The following DPYD variants were observed in gnomAD, a reference collection of about 807,000 sequenced individuals.
DPYD encodes the protein dihydropyrimidine dehydrogenase [NADP(+)].
In DPYD, 109 loss-of-function variants were observed where a neutral mutation model predicts 116.2. The ratio of observed to expected loss-of-function variants is 0.94; its 90% CI spans 0.80 to 1.10. DPYD has a LOEUF of 1.10. Among genes scored for constraint, DPYD ranks in the 50% least tolerant of loss-of-function variants. The pLI is 0.00. For synonymous variants in DPYD, 440 were observed against 432.0 expected (o/e 1.02, Z -0.23); for missense variants, 1,302 against 1,254.5 (o/e 1.04, Z -0.57).
At chr1:97,590,385 C>T (rs1465457703) in intron 10 of DPYD, among the ~76,000 whole-genome samples, 1 of 152,154 alleles carries the variant, frequency 6.6e-6, no homozygotes, top group Non-Finnish European at 1.5e-5. Flanking sequence ...GCCTTCGGTG[C>T]TGATTCCCTC....
At chr1:97,504,270 T>TA (rs772554147) in intron 13 of DPYD, among the ~76,000 whole-genome samples, 24 of 152,056 alleles carry the variant, frequency 1.6e-4, no homozygotes, top group Middle Eastern at 3.4e-3. Flanking sequence ...CTCTGCTTGA[T>TA]ATATCGAAAA....
At chr1:97,665,716 T>A (rs1391523552) in intron 8 of DPYD, among the ~76,000 whole-genome samples, 1 of 152,346 alleles carries the variant, frequency 6.6e-6, no homozygotes, top group East Asian at 1.9e-4. Flanking sequence ...ACTTTTCCTA[T>A]GGTTTTTAAC....
intron 13 of DPYD, among the ~76,000 whole-genome samples, chr1:97,513,109 A>G (rs1162583537): frequency 6.6e-6 from 1 of 151,774 alleles, no homozygotes; most frequent in African/African-American, 2.4e-5. Context: ...ATTTCACTGT[A>G]AGTCAATGGT....
At chr1:97,159,358 T>C (rs1252782777) in intron 20 of DPYD, among the ~76,000 whole-genome samples, 1 of 152,004 alleles carries the variant, frequency 6.6e-6, no homozygotes, top group Non-Finnish European at 1.5e-5. Context: ...AACTTGAACA[T>C]GGATAAATAG....
intron 14 of DPYD, among the ~76,000 whole-genome samples, chr1:97,385,757 C>A (rs1672307596): frequency 6.6e-6 from 1 of 152,084 alleles, no homozygotes; most frequent in Admixed American, 6.6e-5. Context: ...GGGTTGACCA[C>A]AGAAATCCAC....
At chr1:97,244,242 T>C (rs191658789) in intron 18 of DPYD, among the ~76,000 whole-genome samples, 1 of 152,190 alleles carries the variant, frequency 6.6e-6, no homozygotes, top group East Asian at 1.9e-4. Context: ...AACCAATTTC[T>C]GTAGAAATAA....
intron 16 of DPYD, among the ~76,000 whole-genome samples, chr1:97,332,556 C>A (rs1669064927): frequency 6.6e-6 from 1 of 152,152 alleles, no homozygotes; most frequent in Non-Finnish European, 1.5e-5. Flanking sequence ...AAGCCAAGTA[C>A]TCTGTCTTCA....
At chr1:97,285,683 ATT>A (rs113145453) in intron 18 of DPYD, among the ~76,000 whole-genome samples, 16,242 of 138,440 alleles carry the variant, frequency 0.12, 1,203 homozygotes, top group African/African-American at 0.24. Context: ...TGTTCCTTTA[ATT>A]TTTTTTTTTT....
At chr1:97,656,717 T>C (rs1157315896) in intron 8 of DPYD, among the ~76,000 whole-genome samples, 1 of 152,200 alleles carries the variant, frequency 6.6e-6, no homozygotes. Flanking sequence ...TTGCATTTGG[T>C]CTGCCATTTT....
intron 8 of DPYD, among the ~76,000 whole-genome samples, chr1:97,672,114 A>C (rs533336789): frequency 3.3e-5 from 5 of 152,038 alleles, no homozygotes; most frequent in African/African-American, 1.2e-4. Flanking sequence ...AAGAAGATTC[A>C]GAGGTCTCTA....
intron 19 of DPYD, among the ~76,000 whole-genome samples, chr1:97,234,294 T>A (rs1214286733): frequency 5.3e-5 from 8 of 152,184 alleles, no homozygotes; most frequent in Admixed American, 5.2e-4. Context: ...TTAGGGGTAT[T>A]ATTAAGAGTA....
intron 3 of DPYD, among the ~76,000 whole-genome samples, chr1:97,781,602 TA>T (rs1361654315): frequency 6.6e-6 from 1 of 152,160 alleles, no homozygotes; most frequent in Non-Finnish European, 1.5e-5. Context: ...AATCACATCC[TA>T]AATGTATATG....
At chr1:97,848,626 A>T (rs1670424008) in intron 2 of DPYD, among the ~76,000 whole-genome samples, 1 of 152,198 alleles carries the variant, frequency 6.6e-6, no homozygotes, top group Admixed American at 6.5e-5. Flanking sequence ...ATTATATACA[A>T]TAATGCTTAA....
chr1:97,520,981 G>C (rs1190234528), intron 12 of DPYD, among the ~76,000 whole-genome samples: 5 of 152,022 alleles, frequency 3.3e-5, no homozygotes, highest in Admixed American at 1.3e-4. Flanking sequence ...AATCCTTTGG[G>C]TATATACTTA....
chr1:97,808,629 A>T (rs1668196698), intron 3 of DPYD, among the ~76,000 whole-genome samples: 1 of 151,988 alleles, frequency 6.6e-6, no homozygotes, highest in South Asian at 2.1e-4. Context: ...TTTCTTTCTC[A>T]TCACATTAGC....
chr1:97,401,587 T>G (rs12045421), intron 14 of DPYD, among the ~76,000 whole-genome samples: 1 of 152,058 alleles, frequency 6.6e-6, no homozygotes, highest in South Asian at 2.1e-4. Flanking sequence ...TTGCTGGGAT[T>G]ACAGGTGTGA....
intron 20 of DPYD, among the ~76,000 whole-genome samples, chr1:97,118,856 C>T (rs752916252): frequency 6.6e-6 from 1 of 151,992 alleles, no homozygotes; most frequent in South Asian, 2.1e-4. Flanking sequence ...TAATAACTCA[C>T]ATTTTGGTGG....
At chr1:97,354,954 C>T (rs1670348051) in intron 16 of DPYD, among the ~76,000 whole-genome samples, 1 of 152,130 alleles carries the variant, frequency 6.6e-6, no homozygotes, top group Non-Finnish European at 1.5e-5. Flanking sequence ...TTCTATCTTC[C>T]CCCTCAAAGT....
rs200126455 is a variant in DPYD at position 97,208,244 on chromosome 1, TTCTC to T, written c.2443-15000_2443-14997del. 4.6e-3 allele frequency among the ~76,000 whole-genome samples: 691 copies of T among 151,480 alleles called. 4 individuals carry two copies. The highest frequency in any genetic ancestry group is 0.017 in the East Asian group (86 of 5,150). On this transcript the variant is annotated intron_variant, in intron 19 of 22. Transcript: ENST00000370192. ...TGTTTCTTTTCTTTCTCTTTCTTCTTTCTCTTTCTTTCTTTCTTTCTTTTTCTTT... is the reference window on the plus strand; with the variant it reads ...TGTTTCTTTTCTTTCTCTTTCTTCTTTTTCTTTCTTTCTTTCTTTTTCTTT...
Sources: allele counts gnomAD v4.1 joint callset (sites outside exome capture counted in the v4.1 genomes callset), GRCh38; gene constraint gnomAD v4.1.1; transcripts MANE v1.5; gene names NCBI Gene and HGNC (gene_info 2026-07-23, HGNC 2026-07-21).